Variants in KHDRBS2 observed in about 807,000 individuals in gnomAD.
KHDRBS2 encodes KH RNA binding domain containing, signal transduction associated 2.
A neutral mutation model predicts 44.3 loss-of-function variants in KHDRBS2; 26 were observed. That is an observed-to-expected ratio of 0.59 (90% CI 0.43 to 0.81). The LOEUF (loss-of-function observed/expected upper bound fraction) is 0.81, where lower values mean the gene tolerates loss of function less well. Ranked by LOEUF, KHDRBS2 falls within the 40% of genes least tolerant of loss-of-function variation. The probability of loss-of-function intolerance (pLI) is 0.00; values close to 1 mark genes in which losing one functional copy is unlikely to be tolerated. For synonymous variants in KHDRBS2, 194 were observed against 151.1 expected, an observed-to-expected ratio of 1.28 and a Z score of -2.08; for missense variants, 476 against 433.1, an observed-to-expected ratio of 1.10 and a Z score of -0.88.
At chr6:62,219,504 G>A (rs1019695815) in intron 1 of KHDRBS2, among the ~76,000 whole-genome samples, 26 of 151,406 alleles carry the variant, frequency 1.7e-4, no homozygotes, top group African/African-American at 5.6e-4. Context: ...ATGAAATAGC[G>A]AAAAATAAAT....
intron 2 of KHDRBS2, among the ~76,000 whole-genome samples, chr6:62,097,279 TCTG>T (rs748216990): frequency 1.3e-5 from 2 of 151,974 alleles, no homozygotes; most frequent in Non-Finnish European, 2.9e-5. Context: ...CCACTGTGTC[TCTG>T]CTGATTTCCT....
chr6:62,277,939 G>A (rs1342394401), intron 1 of KHDRBS2, among the ~76,000 whole-genome samples: 6 of 152,082 alleles, frequency 3.9e-5, no homozygotes, highest in Admixed American at 3.9e-4. Context: ...AATAAAAGAT[G>A]CAATCACTAC....
intron 2 of KHDRBS2, among the ~76,000 whole-genome samples, chr6:62,112,207 ATAGT>A (rs775598039): frequency 6.6e-6 from 1 of 152,150 alleles, no homozygotes; most frequent in African/African-American, 2.4e-5. Context: ...GTGAAACTCT[ATAGT>A]TAAACTAAGC....
At chr6:61,932,230 G>A (rs1330008285) in intron 4 of KHDRBS2, among the ~76,000 whole-genome samples, 2 of 152,152 alleles carry the variant, frequency 1.3e-5, no homozygotes, top group East Asian at 3.9e-4. Context: ...ATTGTGGAAT[G>A]GTTAAATCTA....
chr6:61,683,654 G>A (rs1337789612), intron 8 of KHDRBS2, among the ~76,000 whole-genome samples: 1 of 151,776 alleles, frequency 6.6e-6, no homozygotes, highest in African/African-American at 2.4e-5. Context: ...ACTCAAAAGG[G>A]TTATCTAAGT....
rs570694163 is a variant in KHDRBS2 at position 61,822,001 on chromosome 6, T to C, written c.810+72634A>G. ...GAATTTTCATGAATTCCCTTGAATGTGTTTATTTGAGATTCTTCCATTTTC... is the reference window on the plus strand; with the variant it reads ...GAATTTTCATGAATTCCCTTGAATGCGTTTATTTGAGATTCTTCCATTTTC... On this transcript the variant is annotated intron_variant, in intron 6 of 8. Coordinates refer to ENST00000281156, the MANE Select transcript of KHDRBS2 (RefSeq NM_152688.4). Among the ~76,000 whole-genome samples the C allele has an allele frequency of 2.0e-5, 3 of 152,164 alleles. No individual in the cohort carries two copies. In the East Asian group the frequency reaches 5.8e-4, roughly 29 times the overall value.
At chr6:62,277,798 C>T (rs78553755) in intron 1 of KHDRBS2, among the ~76,000 whole-genome samples, 2 of 152,292 alleles carry the variant, frequency 1.3e-5, no homozygotes, top group East Asian at 3.9e-4. Context: ...TCTCTCTATA[C>T]TGCAAAATCT....
At chr6:61,619,457 GTTTGTTTGT>G in the KHDRBS2 span, among the ~76,000 whole-genome samples, 1 of 151,822 alleles carries the variant, frequency 6.6e-6, no homozygotes, top group Non-Finnish European at 1.5e-5. Context: ...TTGTTTGTTT[GTTTGTTTGT>G]TTTTTGAGAT....
chr6:61,889,357 C>A (rs1307352284), intron 6 of KHDRBS2, among the ~76,000 whole-genome samples: 1 of 152,152 alleles, frequency 6.6e-6, no homozygotes, highest in Non-Finnish European at 1.5e-5. Flanking sequence ...CCTGTCCACC[C>A]AGTGACACTC....
intron 1 of KHDRBS2, among the ~76,000 whole-genome samples, chr6:62,208,599 A>C (rs532674090): frequency 6.6e-6 from 1 of 152,208 alleles, no homozygotes. Context: ...ATATATTCAG[A>C]AGGGGGCTTG....
At chr6:61,591,158 TG>T in the KHDRBS2 span, among the ~76,000 whole-genome samples, 1 of 152,172 alleles carries the variant, frequency 6.6e-6, no homozygotes, top group Non-Finnish European at 1.5e-5. Flanking sequence ...GGGGAAATAA[TG>T]TGCCTTGGAA....
At chr6:61,953,431 A>C (rs1418718124) in intron 4 of KHDRBS2, among the ~76,000 whole-genome samples, 1 of 152,006 alleles carries the variant, frequency 6.6e-6, no homozygotes, top group Non-Finnish European at 1.5e-5. Flanking sequence ...TGTTACATGC[A>C]GTGATATACA....
At chr6:61,707,358 A>T (rs1582281222) in intron 7 of KHDRBS2, among the ~76,000 whole-genome samples, 1 of 151,916 alleles carries the variant, frequency 6.6e-6, no homozygotes, top group East Asian at 1.9e-4. Flanking sequence ...CATCTTTGCC[A>T]TCAGGTCCAT....
intron 6 of KHDRBS2, among the ~76,000 whole-genome samples, chr6:61,811,367 T>A (rs779482503): frequency 6.6e-6 from 1 of 152,134 alleles, no homozygotes; most frequent in South Asian, 2.1e-4. Flanking sequence ...GGCACCTAGG[T>A]TTATTCCATG....
the KHDRBS2 span, among the ~76,000 whole-genome samples, chr6:61,553,692 T>A: frequency 6.6e-6 from 1 of 152,290 alleles, no homozygotes; most frequent in South Asian, 2.1e-4. Context: ...GATTCTGGTA[T>A]GTTATATCTT....
At chr6:62,190,519 T>C (rs1171139737) in intron 1 of KHDRBS2, among the ~76,000 whole-genome samples, 1 of 152,138 alleles carries the variant, frequency 6.6e-6, no homozygotes, top group African/African-American at 2.4e-5. Flanking sequence ...TGAGGTCGTC[T>C]GCGCTAAGGA....
At chr6:62,120,178 T>C (rs1807275388) in intron 2 of KHDRBS2, among the ~76,000 whole-genome samples, 1 of 152,104 alleles carries the variant, frequency 6.6e-6, no homozygotes, top group African/African-American at 2.4e-5. Flanking sequence ...TTAGCTGAAA[T>C]AGGAATAAAA....
intron 5 of KHDRBS2, among the ~76,000 whole-genome samples, chr6:61,898,816 A>C (rs1803411265): frequency 1.3e-5 from 2 of 151,950 alleles, no homozygotes; most frequent in South Asian, 4.1e-4. Context: ...TACTTACTTA[A>C]TACTTTTAAG....
chr6:61,639,675 G>A, the KHDRBS2 span, among the ~76,000 whole-genome samples: 1 of 151,912 alleles, frequency 6.6e-6, no homozygotes, highest in Non-Finnish European at 1.5e-5. Context: ...AAGTCTTGGG[G>A]GTAGGGACCA....
Sources: allele counts gnomAD v4.1 joint callset (sites outside exome capture counted in the v4.1 genomes callset), GRCh38; gene constraint gnomAD v4.1.1; transcripts MANE v1.5; gene names NCBI Gene and HGNC (gene_info 2026-07-23, HGNC 2026-07-21).